The following KBTBD12 variants were observed in gnomAD, a reference collection of about 807,000 sequenced individuals.
KBTBD12 encodes the protein kelch repeat and BTB domain containing 12.
KBTBD12 carries 53 observed loss-of-function variants against 58.7 expected under a neutral mutation model. The observed-to-expected ratio is 0.90, with a 90% CI of 0.72 to 1.14. The LOEUF is 1.14. KBTBD12 is among the 50% of genes most tolerant of loss of function. The pLI is 0.00. For missense variants in KBTBD12, 704 were observed against 751.3 expected, an observed-to-expected ratio of 0.94 and a Z score of 0.74; for synonymous variants, 236 against 259.8, an observed-to-expected ratio of 0.91 and a Z score of 0.88.
At chr3:127,967,229 A>G (rs912665065) in intron 5 of KBTBD12, among the ~76,000 whole-genome samples, 1 of 152,210 alleles carries the variant, frequency 6.6e-6, no homozygotes, top group Non-Finnish European at 1.5e-5. Flanking sequence ...AGTGGCCAGA[A>G]TAGAATGGAG....
chr3:127,927,638 T>A (rs1395078443), intron 2 of KBTBD12, 126 bp from the exon 3 acceptor site: 2 of 682,006 alleles, frequency 2.9e-6, no homozygotes, highest in African/African-American at 3.6e-5. Context: ...TGTATTAATG[T>A]TTTTTGTCCT....
intron 1 of KBTBD12, among the ~76,000 whole-genome samples, chr3:127,921,819 CTG>C (rs1421816463): frequency 6.6e-6 from 1 of 152,158 alleles, no homozygotes; most frequent in Non-Finnish European, 1.5e-5. Context: ...GTTTGGGAAT[CTG>C]GGGATATCCA....
chr3:127,916,765 AC>A (rs1939253778), intron 1 of KBTBD12, among the ~76,000 whole-genome samples: 2 of 152,090 alleles, frequency 1.3e-5, no homozygotes, highest in African/African-American at 4.8e-5. Context: ...TGAAGCCAAT[AC>A]ATGGCTTCAG....
chr3:127,928,022 C>T lies in KBTBD12; in HGVS notation c.1329C>T (p.Gly443=), dbSNP rs1193002089. The part of the protein sequence containing the change: ...TVNNKLYVIG[G]WTPQMDLPDE... The stretch of plus-strand genomic sequence containing the variant: ...ATAATAAACTTTATGTAATTGGAGG[C>T]TGGACCCCTCAGGTTAAGAAATTTC... The change falls in exon 3 of 6, where the codon GGC becomes GGT. Residue 443 remains glycine, a synonymous_variant. Transcript: ENST00000405109. The T allele has an allele frequency of 6.2e-7, 1 of 1,613,162 alleles. No individual in the cohort carries two copies. Among genetic ancestry groups the T allele is most frequent in the East Asian group, 2.2e-5 (1 of 44,878 alleles).
chr3:127,953,694 A>G (rs1940258204), intron 4 of KBTBD12, among the ~76,000 whole-genome samples: 1 of 152,252 alleles, frequency 6.6e-6, no homozygotes, highest in South Asian at 2.1e-4. Flanking sequence ...TTCTGGAATT[A>G]TGGCAAACTA....
intron 5 of KBTBD12, among the ~76,000 whole-genome samples, chr3:127,964,924 G>A (rs533835980): frequency 6.6e-6 from 1 of 152,170 alleles, no homozygotes; most frequent in Non-Finnish European, 1.5e-5. Flanking sequence ...TAAGAAACCT[G>A]GCCCAACAAG....
rs1034109137 is a variant in KBTBD12, at chr3:127,973,915, T to C, written c.1691-10182T>C. On this transcript the variant is annotated intron_variant, in intron 5 of 5. Coordinates refer to ENST00000405109, the MANE Select transcript of KBTBD12 (RefSeq NM_207335.4). ...ATGATGGAAGTGGTTTGTTTTACCT[T>C]TGGCATCCCCGTGCCCCCCAGCCAC... Among the ~76,000 whole-genome samples the C allele has an allele frequency of 2.6e-5, 4 of 152,180 alleles. No individual in the cohort carries two copies. In the South Asian group the frequency reaches 8.3e-4, roughly 32 times the overall value.
chr3:127,935,362 T>C (rs986342546), intron 4 of KBTBD12, among the ~76,000 whole-genome samples: 1 of 152,126 alleles, frequency 6.6e-6, no homozygotes, highest in Admixed American at 6.6e-5. Context: ...AAGTTGCTGT[T>C]TGTAATGAAA....
Position 127,985,184 on chromosome 3 carries a change from G to A in KBTBD12, c.*906G>A, listed in dbSNP as rs1210750778. ...TCTGCAGGGTAGTCCTGGCTGAACA[G>A]GACTCGCCCAAGCCACCCAAGCCAG... On this transcript the variant is annotated 3_prime_UTR_variant, in exon 6 of 6. Coordinates refer to ENST00000405109, the MANE Select transcript of KBTBD12 (RefSeq NM_207335.4). 1 of 152,332 alleles carries A rather than the reference G, an allele frequency of 6.6e-6. No individual in the cohort carries two copies. The highest frequency in any genetic ancestry group is 6.5e-5 in the Admixed American group (1 of 15,278). The allele number at this position is 152,332 out of a possible 1,614,324, so 9.4% of individuals were successfully genotyped here.
intron 1 of KBTBD12, among the ~76,000 whole-genome samples, chr3:127,917,356 G>A (rs181136096): frequency 4.5e-4 from 68 of 152,312 alleles, no homozygotes; most frequent in African/African-American, 1.6e-3. Context: ...CAGGTGAAGC[G>A]ATATATAGGA....
At chr3:127,938,809 G>A (rs1939881928) in intron 4 of KBTBD12, among the ~76,000 whole-genome samples, 1 of 152,206 alleles carries the variant, frequency 6.6e-6, no homozygotes, top group Non-Finnish European at 1.5e-5. Context: ...GTAAAATGGA[G>A]TAAGCACACT....
intron 4 of KBTBD12, among the ~76,000 whole-genome samples, chr3:127,940,869 G>A (rs1215097826): frequency 1.3e-5 from 2 of 151,988 alleles, no homozygotes; most frequent in East Asian, 1.9e-4. Flanking sequence ...AATGAAAAGG[G>A]ATATTACTAC....
chr3:127,917,566 A>G (rs898595462), intron 1 of KBTBD12, among the ~76,000 whole-genome samples: 2 of 152,126 alleles, frequency 1.3e-5, no homozygotes, highest in African/African-American at 4.8e-5. Context: ...GAAAGTCCCA[A>G]TGCTCTAATC....
At chr3:127,930,400 C>G (rs1315208801) in intron 4 of KBTBD12, 117 bp downstream of exon 4, 7 of 828,986 alleles carry the variant, frequency 8.4e-6, no homozygotes, top group Non-Finnish European at 1.3e-5. Context: ...TTATATACAA[C>G]TAGCTGAACT....
intron 5 of KBTBD12, among the ~76,000 whole-genome samples, chr3:127,966,480 G>T (rs1368132623): frequency 6.6e-6 from 1 of 152,054 alleles, no homozygotes; most frequent in Non-Finnish European, 1.5e-5. Flanking sequence ...AACAGGAAAA[G>T]GATATTTAAA....
chr3:127,948,319 C>T (rs1559767862), intron 4 of KBTBD12, among the ~76,000 whole-genome samples: 1 of 141,340 alleles, frequency 7.1e-6, no homozygotes, highest in Non-Finnish European at 1.5e-5. Context: ...GTCCCTAGTT[C>T]TGTCTTTACC....
chr3:127,984,025 AG>A (rs780296732), intron 5 of KBTBD12, 71 bp from the exon 6 acceptor site: 41 of 1,192,692 alleles, frequency 3.4e-5, no homozygotes, highest in Non-Finnish European at 4.7e-5. Flanking sequence ...GAAGTTACTC[AG>A]TATGGTGCTG....
intron 5 of KBTBD12, chr3:127,963,719 T>G (rs2107610562): frequency 4.5e-6 from 1 of 224,294 alleles, no homozygotes; most frequent in African/African-American, 2.3e-5. Context: ...ATCTAGTTTG[T>G]ACAGCATCTA....
intron 1 of KBTBD12, among the ~76,000 whole-genome samples, chr3:127,921,982 C>G (rs911147896): frequency 6.6e-6 from 1 of 152,120 alleles, no homozygotes; most frequent in East Asian, 1.9e-4. Flanking sequence ...ATTCTCACTG[C>G]TTGCAACTTA....
Sources: gnomAD v4.1 joint callset for allele counts (sites outside exome capture counted in the v4.1 genomes callset) on GRCh38, gnomAD v4.1.1 for gene constraint, MANE v1.5 for transcripts, NCBI Gene and HGNC (gene_info 2026-07-23, HGNC 2026-07-21) for gene names.